TRPM3: variants seen among roughly 807,000 people sequenced by gnomAD.
The protein encoded by TRPM3 is long transient receptor potential channel 3.
TRPM3 carries 77 observed loss-of-function variants against 181.2 expected under a neutral mutation model. That is an observed-to-expected ratio of 0.42 (90% CI 0.35 to 0.51). TRPM3 has a LOEUF of 0.51. TRPM3 is among the 20% of genes least tolerant of loss of function. The pLI is 0.01. For missense variants in TRPM3, 1,759 were observed against 2,196.7 expected (o/e 0.80, Z 3.98); for synonymous variants, 745 against 796.4 (o/e 0.94, Z 1.09).
At chr9:70,791,907 T>A (rs1282084744) in intron 6 of TRPM3, among the ~76,000 whole-genome samples, 2 of 152,236 alleles carry the variant, frequency 1.3e-5, no homozygotes, top group African/African-American at 2.4e-5. Flanking sequence ...CCTGTATTAA[T>A]GCCCATCGAC....
At chr9:71,423,893 A>AT (rs932360638) in intron 1 of TRPM3, among the ~76,000 whole-genome samples, 1 of 151,916 alleles carries the variant, frequency 6.6e-6, no homozygotes, top group South Asian at 2.1e-4. Flanking sequence ...CAACTAACCT[A>AT]TTTTTTTCAT....
At chr9:71,028,823 T>C (rs565978322) in intron 1 of TRPM3, among the ~76,000 whole-genome samples, 1 of 152,096 alleles carries the variant, frequency 6.6e-6, no homozygotes, top group Non-Finnish European at 1.5e-5. Context: ...CTTAGAGACC[T>C]TGAAAGAGAG....
At chr9:71,052,289 A>G (rs1413144397) in intron 1 of TRPM3, among the ~76,000 whole-genome samples, 2 of 152,166 alleles carry the variant, frequency 1.3e-5, no homozygotes, top group Non-Finnish European at 2.9e-5. Context: ...CTTTTATTGA[A>G]TTCTAGAGCT....
At chr9:71,056,959 C>A (rs71505919) in intron 1 of TRPM3, among the ~76,000 whole-genome samples, 9,979 of 152,020 alleles carry the variant, frequency 0.066, 509 homozygotes, top group African/African-American at 0.13. Flanking sequence ...ATGGACAAAA[C>A]AATGAGAGGA....
At chr9:70,619,168 G>T (rs2063225674) in intron 16 of TRPM3, 73 bp from the exon 17 acceptor site, 2 of 1,303,218 alleles carry the variant, frequency 1.5e-6, no homozygotes, top group Non-Finnish European at 2.1e-6. Flanking sequence ...GGACCTGCTG[G>T]CCAACCAGAA....
intron 21 of TRPM3, 149 bp from the exon 22 acceptor site, chr9:70,591,354 A>G (rs2058078128): frequency 1.5e-6 from 1 of 654,216 alleles, no homozygotes; most frequent in South Asian, 1.9e-5. Context: ...TTGTGTCCAG[A>G]TAAGAAGATG....
At chr9:71,170,499 A>C (rs2076796104) in intron 1 of TRPM3, among the ~76,000 whole-genome samples, 1 of 152,194 alleles carries the variant, frequency 6.6e-6, no homozygotes, top group Admixed American at 6.5e-5. Flanking sequence ...TGTTGTGGGA[A>C]GTCTGGGACC....
chr9:71,217,755 A>C (rs1469439822), intron 1 of TRPM3, among the ~76,000 whole-genome samples: 2 of 152,298 alleles, frequency 1.3e-5, no homozygotes, highest in African/African-American at 4.8e-5. Context: ...AACCAACCAA[A>C]CAAACAAACC....
intron 1 of TRPM3, among the ~76,000 whole-genome samples, chr9:71,380,351 C>T (rs10512007): frequency 0.43 from 64,816 of 151,692 alleles, 14,002 homozygotes; most frequent in South Asian, 0.53. Flanking sequence ...CCCTATGTTG[C>T]GAGGAAGTAT....
At chr9:71,233,196 C>T (rs1033109155) in intron 1 of TRPM3, among the ~76,000 whole-genome samples, 1 of 152,104 alleles carries the variant, frequency 6.6e-6, no homozygotes, top group African/African-American at 2.4e-5. Context: ...GAAATAATGT[C>T]CTTTTCAAAT....
At chr9:71,252,684 T>A (rs2082416893) in intron 1 of TRPM3, among the ~76,000 whole-genome samples, 1 of 151,972 alleles carries the variant, frequency 6.6e-6, no homozygotes, top group African/African-American at 2.4e-5. Flanking sequence ...TTTTTCTTTC[T>A]TTTTTGTGAC....
At chr9:70,568,278 C>T (rs111844322) in intron 22 of TRPM3, among the ~76,000 whole-genome samples, 1 of 152,116 alleles carries the variant, frequency 6.6e-6, no homozygotes, top group African/African-American at 2.4e-5. Flanking sequence ...AATTTCAAGC[C>T]CAAGTACAGC....
At chr9:70,571,883 A>G (rs2052493807) in intron 22 of TRPM3, among the ~76,000 whole-genome samples, 2 of 152,176 alleles carry the variant, frequency 1.3e-5, no homozygotes, top group Non-Finnish European at 1.5e-5. Context: ...GAGCAGAAAG[A>G]GGCTTCTGCT....
At chr9:70,574,103 C>A (rs1234531391) in intron 22 of TRPM3, among the ~76,000 whole-genome samples, 2 of 151,986 alleles carry the variant, frequency 1.3e-5, no homozygotes, top group African/African-American at 4.8e-5. Context: ...CACACACACA[C>A]ACACACACTA....
chr9:70,991,603 C>T (rs984031123), intron 1 of TRPM3, among the ~76,000 whole-genome samples: 1 of 135,596 alleles, frequency 7.4e-6, no homozygotes, highest in Non-Finnish European at 1.5e-5. Context: ...ATAGGCTTTC[C>T]CAGAGTGTTA....
chr9:71,197,289 G>C (rs1218557318), intron 1 of TRPM3, among the ~76,000 whole-genome samples: 2 of 152,176 alleles, frequency 1.3e-5, no homozygotes, highest in South Asian at 2.1e-4. Flanking sequence ...ATTTCGCTTG[G>C]TTCCAAGTCT....
chr9:71,422,098 TTC>T (rs1314431572), intron 1 of TRPM3, among the ~76,000 whole-genome samples: 1 of 152,036 alleles, frequency 6.6e-6, no homozygotes, highest in African/African-American at 2.4e-5. Flanking sequence ...GTTAATAAAC[TTC>T]TGTTTGGTTT....
chr9:71,072,930 A>C (rs937172735), intron 1 of TRPM3, among the ~76,000 whole-genome samples: 1 of 151,548 alleles, frequency 6.6e-6, no homozygotes, highest in Non-Finnish European at 1.5e-5. Context: ...CCTCCTCCCT[A>C]CTCTTTCTAC....
intron 12 of TRPM3, among the ~76,000 whole-genome samples, chr9:70,628,475 A>G (rs1383177977): frequency 6.6e-6 from 1 of 152,198 alleles, no homozygotes; most frequent in East Asian, 1.9e-4. Flanking sequence ...TTGTGATGCT[A>G]TAAAAAGGCA....
Sources: allele counts gnomAD v4.1 joint callset (sites outside exome capture counted in the v4.1 genomes callset), GRCh38; gene constraint gnomAD v4.1.1; transcripts MANE v1.5; gene names NCBI Gene and HGNC (gene_info 2026-07-23, HGNC 2026-07-21).